The following ZNF609 variants were observed in gnomAD, a reference collection of about 807,000 sequenced individuals.
ZNF609 encodes zinc finger protein 609.
Under a neutral mutation model 109.5 loss-of-function variants are expected in ZNF609, and 11 were observed. That is an observed-to-expected ratio of 0.10 (90% CI 0.06 to 0.17). ZNF609 has a LOEUF of 0.17. Among genes scored for constraint, ZNF609 ranks in the 10% least tolerant of loss-of-function variants. The pLI is 1.00. For synonymous variants in ZNF609, 646 were observed against 662.0 expected (o/e 0.98, Z 0.37); for missense variants, 1,559 against 1,772.4 (o/e 0.88, Z 2.16).
At chr15:64,631,298 G>T (rs1266666540) in intron 3 of ZNF609, 1 of 671,814 alleles carries the variant, frequency 1.5e-6, no homozygotes, top group Non-Finnish European at 2.8e-6. Flanking sequence ...CTTTTAGAGA[G>T]TGAGTGCTTA....
chr15:64,595,390 A>G (rs940399468), intron 2 of ZNF609, among the ~76,000 whole-genome samples: 2 of 151,436 alleles, frequency 1.3e-5, no homozygotes, highest in Non-Finnish European at 2.9e-5. Context: ...TCGAAGTGCT[A>G]CAGCCACCTT....
intron 2 of ZNF609, among the ~76,000 whole-genome samples, chr15:64,620,311 G>T (rs898063022): frequency 6.6e-6 from 1 of 152,198 alleles, no homozygotes; most frequent in Admixed American, 6.5e-5. Flanking sequence ...ATAAACAGAG[G>T]TGAGGCCAAG....
intron 2 of ZNF609, among the ~76,000 whole-genome samples, chr15:64,540,627 A>G (rs1209010915): frequency 1.3e-5 from 2 of 149,302 alleles, no homozygotes; most frequent in East Asian, 2.1e-4. Flanking sequence ...CGTGGTCTTG[A>G]ACCCTTTACC....
At chr15:64,510,203 T>TC (rs1893701452) in intron 2 of ZNF609, among the ~76,000 whole-genome samples, 1 of 80,624 alleles carries the variant, frequency 1.2e-5, no homozygotes, top group Non-Finnish European at 3.3e-5. Flanking sequence ...TAATTTTTTT[T>TC]TCTTTTTTTT....
intron 3 of ZNF609, among the ~76,000 whole-genome samples, chr15:64,663,591 T>C (rs1896608990): frequency 6.6e-6 from 1 of 152,070 alleles, no homozygotes; most frequent in Non-Finnish European, 1.5e-5. Flanking sequence ...AGTCATCAGC[T>C]ACACATGAAG....
chr15:64,593,674 G>A (rs371635741), intron 2 of ZNF609, among the ~76,000 whole-genome samples: 17 of 152,216 alleles, frequency 1.1e-4, no homozygotes, highest in South Asian at 2.1e-4. Context: ...CTACTGGTGC[G>A]TGCCACCATA....
chr15:64,640,299 A>G (rs1447576005), intron 3 of ZNF609, among the ~76,000 whole-genome samples: 3 of 152,074 alleles, frequency 2.0e-5, no homozygotes, highest in East Asian at 1.9e-4. Context: ...TGGCCTCCCA[A>G]CATGCTGGGA....
Position 64,684,186 on chromosome 15 carries a change from A to G in ZNF609, c.*2500A>G, listed in dbSNP as rs1036529961. Reference sequence around the variant, plus strand: ...AGTGAAAGATTTGCTGCCCACCTCTACATGGGGAGGAGAAACACAGGTGGG... The same window carrying G: ...AGTGAAAGATTTGCTGCCCACCTCTGCATGGGGAGGAGAAACACAGGTGGG... On this transcript the variant is annotated 3_prime_UTR_variant, in exon 10 of 10. Transcript: ENST00000326648. 7.9e-5 allele frequency: 12 copies of G among 152,174 alleles called. No individual in the cohort carries two copies. Among genetic ancestry groups the G allele is most frequent in the African/African-American group, 2.9e-4 (12 of 41,426 alleles). 9.4% of individuals were successfully genotyped at this position (152,174 alleles called of 1,614,324 possible).
chr15:64,646,061 T>G (rs1896329313), intron 3 of ZNF609, among the ~76,000 whole-genome samples: 1 of 152,156 alleles, frequency 6.6e-6, no homozygotes, highest in Non-Finnish European at 1.5e-5. Context: ...AAAACAGATG[T>G]TCACACAAAA....
At chr15:64,474,380 A>C (rs1893136219) in intron 1 of ZNF609, among the ~76,000 whole-genome samples, 1 of 146,802 alleles carries the variant, frequency 6.8e-6, no homozygotes, top group Non-Finnish European at 1.5e-5. Context: ...TGCCTGGCTA[A>C]TTTTGTATTT....
chr15:64,511,714 A>T (rs995996430), intron 2 of ZNF609, among the ~76,000 whole-genome samples: 3 of 137,018 alleles, frequency 2.2e-5, no homozygotes, highest in Non-Finnish European at 3.2e-5. Flanking sequence ...CAAGCATGTA[A>T]TTTTTTTTTT....
Position 64,577,050 on chromosome 15 carries a change from A to ATATATATATG in ZNF609, c.748-45771_748-45770insTATGTATATA, listed in dbSNP as rs1894982245. On this transcript the variant is annotated intron_variant, in intron 2 of 9. Coordinates refer to ENST00000326648, the MANE Select transcript of ZNF609 (RefSeq NM_015042.2). Reference sequence around the variant, plus strand: ...TATATATATGTATATATACACATAAATATATACATATATGTATATATACAC... The same window carrying ATATATATATG: ...TATATATATGTATATATACACATAAATATATATATGTATATACATATATGTATATATACAC... 2.0e-5 allele frequency among the ~76,000 whole-genome samples: 2 copies of ATATATATATG among 100,242 alleles called. 1 individual carries two copies. The highest frequency in any genetic ancestry group is 4.4e-5 in the Non-Finnish European group (2 of 45,728). 65.8% of individuals were successfully genotyped at this position (100,242 alleles called of 152,430 possible).
chr15:64,586,655 C>T (rs1041614269), intron 2 of ZNF609, among the ~76,000 whole-genome samples: 2 of 151,926 alleles, frequency 1.3e-5, no homozygotes, highest in African/African-American at 4.8e-5. Flanking sequence ...CCCGCCAACC[C>T]CCCTCTGTCT....
intron 2 of ZNF609, among the ~76,000 whole-genome samples, chr15:64,595,184 AC>A (rs1298626418): frequency 6.7e-6 from 1 of 149,472 alleles, no homozygotes; most frequent in East Asian, 2.0e-4. Context: ...ACATGGTGAA[AC>A]CCCGTCTCTA....
chr15:64,617,723 T>G (rs1241831744), intron 2 of ZNF609, among the ~76,000 whole-genome samples: 1 of 151,924 alleles, frequency 6.6e-6, no homozygotes, highest in Non-Finnish European at 1.5e-5. Context: ...GAGGTTGTAG[T>G]GAGCTGAGAT....
At chr15:64,589,947 TAAAA>T (rs1895265065) in intron 2 of ZNF609, among the ~76,000 whole-genome samples, 19 of 152,214 alleles carry the variant, frequency 1.2e-4, no homozygotes, top group Admixed American at 1.2e-3. Flanking sequence ...TGGATACTGG[TAAAA>T]AATTAGATGT....
intron 2 of ZNF609, among the ~76,000 whole-genome samples, chr15:64,557,030 C>T (rs981375158): frequency 2.0e-5 from 3 of 151,974 alleles, no homozygotes; most frequent in Admixed American, 6.6e-5. Context: ...AAATTTAGTT[C>T]TTCTTTCTGA....
At chr15:64,588,260 A>G (rs1173991085) in intron 2 of ZNF609, among the ~76,000 whole-genome samples, 9 of 13,542 alleles carry the variant, frequency 6.6e-4, no homozygotes, top group Admixed American at 2.7e-3. Flanking sequence ...TACTAAAAAT[A>G]CAAAAAAAAA....
At chr15:64,657,587 C>T (rs913929080) in intron 3 of ZNF609, among the ~76,000 whole-genome samples, 1 of 152,124 alleles carries the variant, frequency 6.6e-6, no homozygotes, top group Non-Finnish European at 1.5e-5. Flanking sequence ...GCACCCCAGC[C>T]TGGCGACAGA....
Sources: gnomAD v4.1 joint callset for allele counts (sites outside exome capture counted in the v4.1 genomes callset) on GRCh38, gnomAD v4.1.1 for gene constraint, MANE v1.5 for transcripts, NCBI Gene and HGNC (gene_info 2026-07-23, HGNC 2026-07-21) for gene names.